Variants in PCDHA6 observed in about 807,000 individuals in gnomAD.
The protein encoded by PCDHA6 is protocadherin alpha-6.
In PCDHA6, 55 loss-of-function variants were observed where a neutral mutation model predicts 60.3. That is an observed-to-expected ratio of 0.91 (90% CI 0.73 to 1.14). PCDHA6 has a LOEUF of 1.14. PCDHA6 is among the 50% of genes most tolerant of loss of function. The probability of loss-of-function intolerance (pLI) is 0.00; values close to 1 mark genes in which losing one functional copy is unlikely to be tolerated. For missense variants in PCDHA6, 1,327 were observed against 1,256.5 expected, an observed-to-expected ratio of 1.06 and a Z score of -0.85; for synonymous variants, 652 against 557.9, an observed-to-expected ratio of 1.17 and a Z score of -2.38.
chr5:140,922,652 T>C (rs371970165), intron 1 of PCDHA6, among the ~76,000 whole-genome samples: 4 of 152,156 alleles, frequency 2.6e-5, no homozygotes, highest in African/African-American at 9.7e-5. Context: ...ACAGTAAATA[T>C]GGCTATACTG....
intron 1 of PCDHA6, chr5:140,841,629 G>T: frequency 6.2e-7 from 1 of 1,614,156 alleles, no homozygotes; most frequent in Non-Finnish European, 8.5e-7. Flanking sequence ...GCGGAGTGCA[G>T]CATCCACCTG....
chr5:140,919,733 AG>A (rs1426663186), intron 1 of PCDHA6, among the ~76,000 whole-genome samples: 1 of 152,194 alleles, frequency 6.6e-6, no homozygotes, highest in Admixed American at 6.5e-5. Flanking sequence ...TGTTACTTCT[AG>A]ATAGCTTTAT....
intron 1 of PCDHA6, chr5:140,836,287 G>C: frequency 6.2e-7 from 1 of 1,613,786 alleles, no homozygotes; most frequent in Non-Finnish European, 8.5e-7. Context: ...AGCACGACAC[G>C]AGCCCTAGAT....
In PCDHA6 at chr5:140,842,635, C is replaced by T. The variant is rs1330338408; in HGVS notation, c.2394+12150C>T. 10 of 1,590,774 alleles carry T rather than the reference C, an allele frequency of 6.3e-6. 1 individual carries two copies. Among genetic ancestry groups the T allele is most frequent in the Non-Finnish European group, 8.6e-6 (10 of 1,163,124 alleles). ...GGGGCTCGCCTTCGCTGTGGGCCAC[C>T]GCCAGCTTGTCTGTGGAGGTGGCCG... On this transcript the variant is annotated intron_variant, in intron 1 of 3. Coordinates refer to ENST00000529310, the MANE Select transcript of PCDHA6 (RefSeq NM_018909.4).
At chr5:140,855,023 G>T (rs115040572) in intron 1 of PCDHA6, among the ~76,000 whole-genome samples, 1 of 149,492 alleles carries the variant, frequency 6.7e-6, no homozygotes, top group African/African-American at 2.4e-5. Context: ...GAAACTTCTT[G>T]TATAAAGGAT....
rs2150415705 is a variant in PCDHA6 at position 140,848,636 on chromosome 5, C to G, written c.2394+18151C>G. 17 of 1,593,284 alleles carry G rather than the reference C, an allele frequency of 1.1e-5. 2 individuals carry two copies. The highest frequency in any genetic ancestry group is 6.7e-5 in the African/African-American group (5 of 74,384). On this transcript the variant is annotated intron_variant, in intron 1 of 3. Transcript: ENST00000529310. Reference sequence around the variant, plus strand: ...CCGAACACGGCACCTTCGTGGGCCGCATCGCGCAGGACCTGGGGCTGGAGC... The same window carrying G: ...CCGAACACGGCACCTTCGTGGGCCGGATCGCGCAGGACCTGGGGCTGGAGC...
chr5:140,845,266 T>G (rs1779777521), intron 1 of PCDHA6, among the ~76,000 whole-genome samples: 1 of 149,636 alleles, frequency 6.7e-6, no homozygotes, highest in Non-Finnish European at 1.5e-5. Context: ...TGTTTTCCTT[T>G]GTGAAAGTAA....
In PCDHA6 at chr5:141,010,293, GC is replaced by G; in HGVS notation, c.*357del. The G allele has an allele frequency of 6.5e-7, 1 of 1,549,794 alleles. No individual in the cohort carries two copies. The highest frequency in any genetic ancestry group is 8.7e-7 in the Non-Finnish European group (1 of 1,146,454). On this transcript the variant is annotated 3_prime_UTR_variant, in exon 4 of 4. Transcript: ENST00000529310. ...ATCCTGTCTTGATGACACTTGCAGG[GC>G]AGGCTGAAAAGTTTTGAGATTGAGC...
chr5:141,004,619 G>C (rs1004302739), intron 3 of PCDHA6, among the ~76,000 whole-genome samples: 9 of 152,136 alleles, frequency 5.9e-5, no homozygotes, highest in Non-Finnish European at 1.0e-4. Context: ...GCAGAGTCCT[G>C]GTTATGGTTG....
In PCDHA6 at chr5:140,882,469, G is replaced by C; in HGVS notation, c.2394+51984G>C. Reference sequence around the variant, plus strand: ...TGGTGCCGCGCCTGTTCCGGGTGGCGTCCAAAAGACACGGGGACCTTCTGG... The same window carrying C: ...TGGTGCCGCGCCTGTTCCGGGTGGCCTCCAAAAGACACGGGGACCTTCTGG... On this transcript the variant is annotated intron_variant, in intron 1 of 3. Coordinates refer to ENST00000529310, the MANE Select transcript of PCDHA6 (RefSeq NM_018909.4). The C allele has an allele frequency of 1.2e-6, 2 of 1,614,032 alleles. 1 individual carries two copies. Among genetic ancestry groups the C allele is most frequent in the South Asian group, 2.2e-5 (2 of 91,072 alleles).
At chr5:140,884,188 G>C in intron 1 of PCDHA6, 1 of 1,613,436 alleles carries the variant, frequency 6.2e-7, no homozygotes, top group Middle Eastern at 1.7e-4. Flanking sequence ...TGGACGAGGT[G>C]GACGCGCCGC....
In PCDHA6 at chr5:140,982,507, G is replaced by A. The variant is rs555523473; in HGVS notation, c.2486G>A (p.Arg829Gln). 21 of 1,614,138 alleles carry A rather than the reference G, an allele frequency of 1.3e-5. No individual in the cohort carries two copies. The highest frequency in any genetic ancestry group is 4.0e-5 in the African/African-American group (3 of 75,040). ...CACCTAGAGGAGGCTGGCATTCTAC[G>A]GGCTGGTCCAGGAGGGCCTGATCAG... is the stretch of plus-strand genomic sequence containing the variant. ...SVHLEEAGILRAGPGGPDQQW... is the reference protein window; with the variant it reads ...SVHLEEAGILQAGPGGPDQQW... The change falls in exon 3 of 4, where the codon CGG (arginine) becomes CAG (glutamine). Residue 829 changes from arginine (R) to glutamine (Q), a missense_variant. Arg to Gln is a conservative substitution (Grantham distance 43). Coordinates refer to ENST00000529310, the MANE Select transcript of PCDHA6 (RefSeq NM_018909.4).
intron 1 of PCDHA6, among the ~76,000 whole-genome samples, chr5:140,900,565 C>T (rs368765128): frequency 1.2e-4 from 19 of 152,248 alleles, no homozygotes; most frequent in South Asian, 1.2e-3. Context: ...GCGTGAGCCA[C>T]GGCACCGGCC....
At chr5:141,006,644 T>C (rs1411431797) in intron 3 of PCDHA6, among the ~76,000 whole-genome samples, 3 of 152,084 alleles carry the variant, frequency 2.0e-5, no homozygotes, top group African/African-American at 7.2e-5. Context: ...ATATAAGAGA[T>C]GATGGTGTCC....
In PCDHA6 at chr5:140,858,604, A is replaced by T. The variant is rs547814145; in HGVS notation, c.2394+28119A>T. 1.3e-3 allele frequency: 1,648 copies of T among 1,276,538 alleles called. 106 individuals carry two copies. The South Asian group carries it at 0.023, about 18-fold the overall frequency. 79.1% of individuals were successfully genotyped at this position (1,276,538 alleles called of 1,614,324 possible). ...TATAATTTATTCCAGGAGTTTTAAA[A>T]TTTTTTTATCCTACCCAGTGTGTCA... On this transcript the variant is annotated intron_variant, in intron 1 of 3. Transcript: ENST00000529310.
rs1554244455 is a variant in PCDHA6 at position 140,982,542 on chromosome 5, A to G, written c.2521A>G (p.Thr841Ala). The G allele has an allele frequency of 1.9e-6, 3 of 1,614,210 alleles. No homozygotes were observed. The highest frequency in any genetic ancestry group is 2.2e-5 in the East Asian group (1 of 44,888). Residue 841 changes from threonine (T) to alanine (A), a missense_variant, in exon 3 of 4, where the codon ACA becomes GCA. Transcript: ENST00000529310. ...GPGGPDQQWP[T>A]VSSATPEPEA... ...AGGAGGGCCTGATCAGCAGTGGCCA[A>G]CAGTATCCAGTGCAACACCAGGTAA...
intron 3 of PCDHA6, 125 bp downstream of exon 3, chr5:140,982,688 A>G: frequency 6.4e-6 from 9 of 1,415,764 alleles, no homozygotes; most frequent in African/African-American, 1.4e-5. Flanking sequence ...CCTTTTTTCC[A>G]TACATACATG....
chr5:140,843,136 G>A lies in PCDHA6; in HGVS notation c.2394+12651G>A, dbSNP rs2150353697. 16 of 1,596,026 alleles carry A rather than the reference G, an allele frequency of 1.0e-5. 4 individuals are homozygous for A. Among genetic ancestry groups the A allele is most frequent in the South Asian group, 2.2e-5 (2 of 90,518 alleles). ...TGGACGCCGACTCGGGCTACAACGCGTGGCTTTCGTATGAGCTGCAGCCAG... is the reference window on the plus strand; with the variant it reads ...TGGACGCCGACTCGGGCTACAACGCATGGCTTTCGTATGAGCTGCAGCCAG... On this transcript the variant is annotated intron_variant, in intron 1 of 3. Transcript: ENST00000529310.
intron 1 of PCDHA6, among the ~76,000 whole-genome samples, chr5:140,872,884 T>C (rs1057197501): frequency 2.6e-5 from 4 of 152,238 alleles, no homozygotes; most frequent in Non-Finnish European, 4.4e-5. Flanking sequence ...GTTTCATTCA[T>C]CTCACTTTGT....
Sources: gnomAD v4.1 joint callset for allele counts (sites outside exome capture counted in the v4.1 genomes callset) on GRCh38, gnomAD v4.1.1 for gene constraint, MANE v1.5 for transcripts, NCBI Gene and HGNC (gene_info 2026-07-23, HGNC 2026-07-21) for gene names.